ZNF37A: variants seen among roughly 807,000 people sequenced by gnomAD.
ZNF37A encodes zinc finger protein 37A.
ZNF37A carries 10 observed loss-of-function variants against 12.3 expected under a neutral mutation model. The observed-to-expected ratio is 0.82, with a 90% CI of 0.50 to 1.38. The LOEUF is 1.38. ZNF37A is among the 40% of genes most tolerant of loss of function. ZNF37A has a pLI of 0.00. For synonymous variants in ZNF37A, 207 were observed against 223.0 expected, an observed-to-expected ratio of 0.93 and a Z score of 0.64; for missense variants, 580 against 651.2, an observed-to-expected ratio of 0.89 and a Z score of 1.19.
chr10:38,135,479 T>C (rs982525732), intron 7 of ZNF37A, among the ~76,000 whole-genome samples: 1 of 152,254 alleles, frequency 6.6e-6, no homozygotes, highest in Non-Finnish European at 1.5e-5. Context: ...TGCTTAATAA[T>C]ATAGATTACT....
At chr10:38,147,187 C>T (rs188187147) in exon 8 of ZNF37A, 60 of 154,618 alleles carry the variant, frequency 3.9e-4, no homozygotes, top group African/African-American at 1.3e-3. Context: ...ATAGCCATCA[C>T]GAGCATGTCA....
chr10:38,149,348 A>G (rs117984963), exon 8 of ZNF37A: 6,437 of 152,252 alleles, frequency 0.042, 190 homozygotes, highest in Non-Finnish European at 0.06. Flanking sequence ...AATGTGCCCT[A>G]TGTAATGCAG....
At position 38,136,423 on chromosome 10, in the gene ZNF37A, G is replaced by A. The variant is rs544303123; in HGVS notation, c.239-10309G>A. ...CCCACCTCGGCCTCCCAAAGTGCTG[G>A]GATTACAGGTGTGAGCCACCATACC... On this transcript the variant is annotated intron_variant, in intron 7 of 7. Coordinates refer to the ZNF37A transcript ENST00000638053. 2.0e-5 allele frequency among the ~76,000 whole-genome samples: 3 copies of A among 152,176 alleles called. No individual in the cohort carries two copies. In the East Asian group the frequency reaches 5.8e-4, roughly 29 times the overall value.
At position 38,118,016 on chromosome 10, in the gene ZNF37A, C is replaced by T; in HGVS notation, c.865C>T (p.His289Tyr). 1.2e-6 allele frequency: 2 copies of T among 1,614,076 alleles called. No individual in the cohort carries two copies. Among genetic ancestry groups the T allele is most frequent in the Non-Finnish European group, 1.7e-6 (2 of 1,180,016 alleles). ...TFTQKSAHTR[H>Y]QRTHTGGKPY... ...CACCCAGAAGTCAGCCCACACAAGA[C>T]ATCAGAGAACACACACAGGGGGAAA... is the stretch of plus-strand genomic sequence containing the variant. The change falls in exon 8 of 8, where the codon CAT (histidine) becomes TAT (tyrosine). Residue 289 changes from histidine to tyrosine, a missense_variant. By Grantham distance (83) the His-to-Tyr change is moderately conservative. Transcript: ENST00000685332.
rs1232852321 is a variant in ZNF37A, at chr10:38,117,751, C to G, written c.600C>G (p.His200Gln). ...AGCAAACACATCCAAGAGAAAACCA[C>G]TATGGTAATGAATGTGGAGAAAATA... is the stretch of plus-strand genomic sequence containing the variant. ...THQQTHPRENHYGNECGENIF... is the reference protein window; with the variant it reads ...THQQTHPRENQYGNECGENIF... The change falls in exon 8 of 8, where the codon CAC becomes CAG. Residue 200 changes from histidine (H) to glutamine (Q), a missense_variant. Transcript: ENST00000685332. 1.9e-6 allele frequency: 3 copies of G among 1,613,856 alleles called. No individual in the cohort carries two copies. The highest frequency in any genetic ancestry group is 2.5e-6 in the Non-Finnish European group (3 of 1,180,006).
chr10:38,106,141 T>C (rs919616457), intron 5 of ZNF37A, among the ~76,000 whole-genome samples: 3 of 152,008 alleles, frequency 2.0e-5, no homozygotes, highest in Admixed American at 6.6e-5. Context: ...CTTTATTATG[T>C]GGAGGAACAG....
At chr10:38,144,667 C>A (rs1323335444) in intron 7 of ZNF37A, among the ~76,000 whole-genome samples, 1 of 152,136 alleles carries the variant, frequency 6.6e-6, no homozygotes, top group Non-Finnish European at 1.5e-5. Context: ...TGAATGTCTG[C>A]TGACCTAATT....
chr10:38,140,854 C>T (rs1054710820), intron 7 of ZNF37A: 5 of 152,190 alleles, frequency 3.3e-5, no homozygotes, highest in African/African-American at 4.8e-5. Context: ...AAGGATGTGG[C>T]ATGCGTCGTA....
intron 7 of ZNF37A, chr10:38,144,197 A>G (rs1183889040): frequency 1.3e-5 from 2 of 152,218 alleles, no homozygotes; most frequent in African/African-American, 4.8e-5. Flanking sequence ...TGAGATTTAC[A>G]TTACTATGTA....
chr10:38,142,471 A>T (rs1238918790), intron 7 of ZNF37A: 1 of 152,152 alleles, frequency 6.6e-6, no homozygotes, highest in African/African-American at 2.4e-5. Flanking sequence ...GTGAAAATAG[A>T]ACTTCTCATT....
rs546237704 is a variant in ZNF37A, at chr10:38,121,457, G to A, written c.*2620G>A. 1.6e-4 allele frequency: 25 copies of A among 152,482 alleles called. No homozygotes were observed. Among genetic ancestry groups the A allele is most frequent in the East Asian group, 1.2e-3 (6 of 5,182 alleles). The allele number at this position is 152,482 out of a possible 1,614,324, so 9.4% of individuals were successfully genotyped here. On this transcript the variant is annotated 3_prime_UTR_variant, in exon 8 of 8. Transcript: ENST00000685332. ...TGCCTTCCTTCCCCAGAGTGGAGGA[G>A]TTAGACTTGCCTCGTGGGATGAGAG... is the stretch of plus-strand genomic sequence containing the variant.
Position 38,118,497 on chromosome 10 carries a change from G to A in ZNF37A, c.1346G>A (p.Cys449Tyr), listed in dbSNP as rs1415039105. 2 of 1,613,900 alleles carry A rather than the reference G, an allele frequency of 1.2e-6. No homozygotes were observed. The highest frequency in any genetic ancestry group is 4.5e-5 in the East Asian group (2 of 44,854). ...TGTATTCAGTGTGGAAAATTTTTCT[G>A]CTACTACTCCGGTTTCACAGAACAT... is the stretch of plus-strand genomic sequence containing the variant. ...YECIQCGKFF[C>Y]YYSGFTEHLR... The change falls in exon 8 of 8, where the codon TGC becomes TAC. Residue 449 changes from cysteine to tyrosine, a missense_variant. Physicochemically the swap from Cys to Tyr is radical, Grantham distance 194 (BLOSUM62 -2). Coordinates refer to ENST00000685332, the MANE Select transcript of ZNF37A (RefSeq NM_001324250.3).
downstream of ZNF37A, among the ~76,000 whole-genome samples, chr10:38,130,138 G>C (rs774977657): frequency 6.6e-6 from 1 of 152,026 alleles, no homozygotes; most frequent in Non-Finnish European, 1.5e-5. Context: ...GATATGTGTC[G>C]CTCTATGTCT....
At position 38,122,440 on chromosome 10, in the gene ZNF37A, TCAACAGAGC is replaced by T. The variant is rs1435738740; in HGVS notation, c.*3604_*3612del. ...ATCATATTACCTGACTTCCAATTAT[TCAACAGAGC>T]TACAGTAACCAAAACAGCATGATAC... is the stretch of plus-strand genomic sequence containing the variant. On this transcript the variant is annotated 3_prime_UTR_variant, in exon 8 of 8. Coordinates refer to ENST00000685332, the MANE Select transcript of ZNF37A (RefSeq NM_001324250.3). 4 of 152,100 alleles carry T rather than the reference TCAACAGAGC, an allele frequency of 2.6e-5. No homozygotes were observed. Among genetic ancestry groups the T allele is most frequent in the Admixed American group, 2.6e-4 (4 of 15,264 alleles). 9.4% of individuals were successfully genotyped at this position (152,100 alleles called of 1,614,324 possible).
At chr10:38,101,286 G>C (rs1590803543) in intron 5 of ZNF37A, among the ~76,000 whole-genome samples, 1 of 151,688 alleles carries the variant, frequency 6.6e-6, no homozygotes, top group African/African-American at 2.4e-5. Flanking sequence ...AATGTGTTCT[G>C]TCATGAGTTT....
chr10:38,112,770 CTTTTCTTTTCTTTTCTTTTCTTTTCT>C (rs2068875511), intron 5 of ZNF37A, among the ~76,000 whole-genome samples: 6 of 53,054 alleles, frequency 1.1e-4, no homozygotes, highest in Admixed American at 2.4e-4. Context: ...CTTTTCTTTT[CTTTTCTTTTCTTTTCTTTTCTTTTCT>C]TGTCTTGTCT....
chr10:38,111,149 AGCC>A (rs754780437), intron 5 of ZNF37A, among the ~76,000 whole-genome samples: 6 of 152,192 alleles, frequency 3.9e-5, no homozygotes, highest in Non-Finnish European at 5.9e-5. Flanking sequence ...AATGCTATGC[AGCC>A]ATAAAAAAGG....
intron 7 of ZNF37A, among the ~76,000 whole-genome samples, chr10:38,134,609 A>G (rs1318953309): frequency 6.6e-6 from 1 of 152,156 alleles, no homozygotes; most frequent in Non-Finnish European, 1.5e-5. Context: ...CAGAATAGCA[A>G]ATATTACAGA....
chr10:38,112,788 T>G (rs199529411), intron 5 of ZNF37A, among the ~76,000 whole-genome samples: 6,250 of 110,594 alleles, frequency 0.057, 1,176 homozygotes, highest in African/African-American at 0.085. Flanking sequence ...TTCTTTTCTT[T>G]TCTTTTCTTG....
Sources: allele counts gnomAD v4.1 joint callset (sites outside exome capture counted in the v4.1 genomes callset), GRCh38; gene constraint gnomAD v4.1.1; transcripts MANE v1.5; gene names NCBI Gene and HGNC (gene_info 2026-07-23, HGNC 2026-07-21).